METTL15: variants seen among roughly 807,000 people sequenced by gnomAD.
METTL15 encodes the protein methyltransferase 15, mitochondrial 12S rRNA N4-cytidine, also known as 12S rRNA N(4)-cytidine methyltransferase METTL15.
In METTL15, 34 loss-of-function variants were observed where a neutral mutation model predicts 38.3. That is an observed-to-expected ratio of 0.89 (90% confidence interval 0.68 to 1.18). The LOEUF is 1.18. Ranked by LOEUF, METTL15 falls within the 50% of genes most tolerant of loss-of-function variation. The probability of loss-of-function intolerance (pLI) is 0.00; values close to 1 mark genes in which losing one functional copy is unlikely to be tolerated. For synonymous variants in METTL15, 162 were observed against 170.9 expected, an observed-to-expected ratio of 0.95 and a Z score of 0.41; for missense variants, 438 against 498.4, an observed-to-expected ratio of 0.88 and a Z score of 1.15.
intron 6 of METTL15, among the ~76,000 whole-genome samples, chr11:28,469,096 G>T (rs1175910385): frequency 6.6e-6 from 1 of 152,116 alleles, no homozygotes; most frequent in Non-Finnish European, 1.5e-5. Context: ...ATTTGTGTGT[G>T]TATGTGTGAT....
intron 5 of METTL15, among the ~76,000 whole-genome samples, chr11:28,395,644 C>T (rs1004235726): frequency 1.3e-5 from 2 of 152,136 alleles, no homozygotes; most frequent in Non-Finnish European, 2.9e-5. Flanking sequence ...CAGAAGGATT[C>T]ACAGCCTAAT....
At chr11:28,314,528 A>T (rs1857413521) in intron 6 of METTL15, among the ~76,000 whole-genome samples, 1 of 152,202 alleles carries the variant, frequency 6.6e-6, no homozygotes, top group Non-Finnish European at 1.5e-5. Context: ...AATATGCTAG[A>T]ACCTCCTGCT....
At chr11:28,283,587 G>A (rs1370895250) in intron 4 of METTL15, among the ~76,000 whole-genome samples, 3 of 152,148 alleles carry the variant, frequency 2.0e-5, no homozygotes, top group Admixed American at 6.6e-5. Context: ...ATATACTAGA[G>A]CACCTTAGTC....
At chr11:28,466,982 C>A (rs1053723990) in intron 6 of METTL15, among the ~76,000 whole-genome samples, 1 of 152,150 alleles carries the variant, frequency 6.6e-6, no homozygotes, top group African/African-American at 2.4e-5. Context: ...ACCTGGAGTC[C>A]TTTTTGGGAA....
intron 5 of METTL15, among the ~76,000 whole-genome samples, chr11:28,379,270 T>G (rs1210116889): frequency 1.3e-5 from 2 of 152,110 alleles, no homozygotes; most frequent in Admixed American, 1.3e-4. Flanking sequence ...TCAGTTCATT[T>G]TTTATATTCT....
intron 5 of METTL15, among the ~76,000 whole-genome samples, chr11:28,372,908 T>G (rs1486944164): frequency 6.6e-6 from 1 of 150,448 alleles, no homozygotes; most frequent in Non-Finnish European, 1.5e-5. Context: ...CTGAGAATGA[T>G]GATTTCCAAT....
chr11:28,527,273 C>T (rs558424837), downstream of METTL15, among the ~76,000 whole-genome samples: 5 of 152,256 alleles, frequency 3.3e-5, no homozygotes, highest in African/African-American at 1.2e-4. Flanking sequence ...CATAGTTTTT[C>T]TTATAAGGCA....
chr11:28,145,040 T>G (rs1849831060), intron 3 of METTL15: 1 of 180,150 alleles, frequency 5.6e-6, no homozygotes, highest in Admixed American at 5.3e-5. Flanking sequence ...CTGTTGACTA[T>G]TTTTTTCAGG....
At chr11:28,467,174 T>A (rs982306177) in intron 6 of METTL15, among the ~76,000 whole-genome samples, 1 of 152,220 alleles carries the variant, frequency 6.6e-6, no homozygotes, top group Admixed American at 6.5e-5. Context: ...GAAATGTGAC[T>A]GGACTCATAT....
At chr11:28,396,580 G>T (rs1373310796) in intron 5 of METTL15, among the ~76,000 whole-genome samples, 3 of 152,118 alleles carry the variant, frequency 2.0e-5, no homozygotes, top group Non-Finnish European at 4.4e-5. Context: ...ACTGCTCAAT[G>T]AAATAAAAGA....
intron 4 of METTL15, among the ~76,000 whole-genome samples, chr11:28,358,600 T>C (rs1019617649): frequency 1.3e-5 from 2 of 152,180 alleles, no homozygotes; most frequent in Non-Finnish European, 2.9e-5. Flanking sequence ...CCGCCTCCCC[T>C]GAACTCCCTT....
At chr11:28,387,194 C>G (rs1403276410) in intron 5 of METTL15, among the ~76,000 whole-genome samples, 1 of 151,304 alleles carries the variant, frequency 6.6e-6, no homozygotes, top group African/African-American at 2.4e-5. Context: ...AAGAAATGAG[C>G]TAATAAATAT....
intron 6 of METTL15, among the ~76,000 whole-genome samples, chr11:28,508,871 A>G (rs1370775390): frequency 1.3e-5 from 2 of 152,236 alleles, no homozygotes; most frequent in Non-Finnish European, 2.9e-5. Context: ...GGATAAGACC[A>G]AAGTACCTGG....
chr11:28,459,970 A>T (rs1189661523), intron 6 of METTL15, among the ~76,000 whole-genome samples: 1 of 152,126 alleles, frequency 6.6e-6, no homozygotes, highest in Non-Finnish European at 1.5e-5. Context: ...AATTCTCTCT[A>T]GTACTGTGAG....
chr11:28,137,339 C>T (rs1441668537), intron 3 of METTL15, among the ~76,000 whole-genome samples: 5 of 152,312 alleles, frequency 3.3e-5, no homozygotes, highest in Middle Eastern at 3.4e-3. Context: ...CTGAAATTTA[C>T]ACTCCCATGC....
At chr11:28,217,067 G>T (rs1273629412) in intron 4 of METTL15, among the ~76,000 whole-genome samples, 1 of 152,018 alleles carries the variant, frequency 6.6e-6, no homozygotes, top group African/African-American at 2.4e-5. Flanking sequence ...AATCCTTAGG[G>T]TATATACCCA....
downstream of METTL15, among the ~76,000 whole-genome samples, chr11:28,334,882 C>T (rs1849886827): frequency 1.3e-5 from 2 of 152,120 alleles, no homozygotes; most frequent in African/African-American, 4.8e-5. Flanking sequence ...TTGGCCACCT[C>T]ACTTCCTTCT....
chr11:28,398,945 C>G (rs995025702), intron 5 of METTL15: 3 of 151,968 alleles, frequency 2.0e-5, no homozygotes, highest in African/African-American at 4.8e-5. Flanking sequence ...TTAGAAAAAG[C>G]TACTTTAAAT....
intron 6 of METTL15, among the ~76,000 whole-genome samples, chr11:28,470,230 A>G (rs1293140167): frequency 6.6e-6 from 1 of 151,978 alleles, no homozygotes; most frequent in Non-Finnish European, 1.5e-5. Context: ...CAGTCCTCTT[A>G]CCCCCTTATA....
Sources: allele counts gnomAD v4.1 joint callset (sites outside exome capture counted in the v4.1 genomes callset), GRCh38; gene constraint gnomAD v4.1.1; transcripts MANE v1.5; gene names NCBI Gene and HGNC (gene_info 2026-07-23, HGNC 2026-07-21).